Variants in ARHGEF6 observed in about 807,000 individuals in gnomAD.
The protein encoded by ARHGEF6 is Rac/Cdc42 guanine nucleotide exchange factor 6, also known as rho guanine nucleotide exchange factor 6.
A neutral mutation model predicts 70.3 loss-of-function variants in ARHGEF6; 9 were observed. That is an observed-to-expected ratio of 0.13 (90% confidence interval 0.08 to 0.22). ARHGEF6 has a LOEUF of 0.22. Ranked by LOEUF, ARHGEF6 falls within the 10% of genes least tolerant of loss-of-function variation. The pLI is 1.00. For missense variants in ARHGEF6, 470 were observed against 563.0 expected, an observed-to-expected ratio of 0.83 and a Z score of 1.67; for synonymous variants, 201 against 207.8, an observed-to-expected ratio of 0.97 and a Z score of 0.28.
In ARHGEF6 at chrX:136,743,946, G is replaced by A. The variant is rs2077069837; in HGVS notation, c.460-160C>T. 3.6e-5 allele frequency among the ~76,000 whole-genome samples: 4 copies of A among 111,980 alleles called. No individual in the cohort carries two copies. The Admixed American group carries it at 3.8e-4, about 11-fold the overall frequency. ...CTTAGGAATCCATGAATGGGTCTCA[G>A]AGGGATTAATAAATCCCTCAAAACA... On this transcript the variant is annotated intron_variant, in intron 4 of 21. Coordinates refer to ENST00000250617, the MANE Select transcript of ARHGEF6 (RefSeq NM_004840.3).
chrX:136,735,219 A>T (rs2076973818), intron 5 of ARHGEF6, among the ~76,000 whole-genome samples: 1 of 111,712 alleles, frequency 9.0e-6, no homozygotes, highest in Non-Finnish European at 1.9e-5. Flanking sequence ...AAACTTGGAA[A>T]GTCTAAAAAA....
chrX:136,676,753 C>A, intron 17 of ARHGEF6, 36 bp from the exon 18 acceptor site: 1 of 1,024,089 alleles, frequency 9.8e-7, no homozygotes, highest in Non-Finnish European at 1.4e-6. Flanking sequence ...AATTAAAATT[C>A]TCCCTCAAAA....
At chrX:136,707,098 A>T in intron 8 of ARHGEF6, 68 bp from the exon 9 acceptor site, 5 of 1,141,249 alleles carry the variant, frequency 4.4e-6, no homozygotes, top group Non-Finnish European at 6.0e-6. Context: ...GATTATTCCA[A>T]TTAAACCTGG....
chrX:136,747,395 G>A, intron 3 of ARHGEF6, 113 bp downstream of exon 3: 1 of 665,714 alleles, frequency 1.5e-6, no homozygotes, highest in Non-Finnish European at 2.4e-6. Flanking sequence ...GGGGAGCAAG[G>A]GGAAAATTTG....
At chrX:136,766,978 C>G (rs1439932758) in intron 2 of ARHGEF6, among the ~76,000 whole-genome samples, 1 of 112,399 alleles carries the variant, frequency 8.9e-6, no homozygotes, top group Non-Finnish European at 1.9e-5. Context: ...CCCTGGATCT[C>G]AGCGAACTGT....
At chrX:136,681,638 A>T (rs1262570240) in intron 14 of ARHGEF6, among the ~76,000 whole-genome samples, 3 of 112,191 alleles carry the variant, frequency 2.7e-5, no homozygotes, top group African/African-American at 9.7e-5. Context: ...GTTATTCCTT[A>T]GCTCTCACAA....
Position 136,779,961 on chromosome X carries a change from T to G in ARHGEF6, c.166-464A>C, listed in dbSNP as rs1427066314. ...TCAAGTTTAAGAAATTATAAGTAAA[T>G]TTATTTGCTCAATAAAAATACAAAC... is the stretch of plus-strand genomic sequence containing the variant. On this transcript the variant is annotated intron_variant, in intron 1 of 21. Coordinates refer to ENST00000250617, the MANE Select transcript of ARHGEF6 (RefSeq NM_004840.3). 8.9e-5 allele frequency among the ~76,000 whole-genome samples: 10 copies of G among 112,284 alleles called. No individual in the cohort carries two copies. The Admixed American group carries it at 9.5e-4, about 11-fold the overall frequency.
At chrX:136,736,452 G>C (rs1305396525) in intron 5 of ARHGEF6, among the ~76,000 whole-genome samples, 1 of 110,917 alleles carries the variant, frequency 9.0e-6, no homozygotes, top group African/African-American at 3.3e-5. Context: ...GTCAAAATAG[G>C]GTTTTTCTCA....
Position 136,672,149 on chromosome X carries a change from G to T in ARHGEF6, c.2036-30C>A, listed in dbSNP as rs371461823. ...AAACAAGGGTTGCAAGATGGGGGAG[G>T]AGGGAGAGTTACTAGTGAAGAGTAG... On this transcript the variant is annotated intron_variant, in intron 19 of 21. Transcript: ENST00000250617. The T allele has an allele frequency of 6.3e-5, 66 of 1,054,291 alleles. 2 individuals carry two copies. In the Middle Eastern group the frequency reaches 4.7e-3, roughly 75 times the overall value. The allele number at this position is 1,054,291 out of a possible 1,213,427, so 86.9% of individuals were successfully genotyped here.
chrX:136,674,028 G>A (rs150434072), intron 19 of ARHGEF6, among the ~76,000 whole-genome samples: 15 of 111,132 alleles, frequency 1.3e-4, no homozygotes, highest in Non-Finnish European at 2.3e-4. Context: ...CATCACACCC[G>A]GCTAACTTTT....
At chrX:136,674,554 C>T (rs2076258345) in intron 19 of ARHGEF6, among the ~76,000 whole-genome samples, 1 of 112,168 alleles carries the variant, frequency 8.9e-6, no homozygotes, top group Non-Finnish European at 1.9e-5. Context: ...AACTTTGAAA[C>T]TTGAGTTTGG....
At chrX:136,684,382 T>C (rs780243551) in intron 12 of ARHGEF6, among the ~76,000 whole-genome samples, 61 of 112,424 alleles carry the variant, frequency 5.4e-4, no homozygotes, top group Non-Finnish European at 9.6e-4. Flanking sequence ...TAAATGAGAT[T>C]GCTTATTAAC....
At chrX:136,758,031 C>CTTTTT (rs1164537601) in intron 2 of ARHGEF6, among the ~76,000 whole-genome samples, 691 of 14,025 alleles carry the variant, frequency 0.049, 280 homozygotes, top group Middle Eastern at 0.14. Flanking sequence ...AAAATAAATT[C>CTTTTT]TTTTTTTTTT....
In ARHGEF6 at chrX:136,728,043, A is replaced by T. The variant is rs1256194431; in HGVS notation, c.732+4059T>A. Reference sequence around the variant, plus strand: ...TAAAGCCTGACAACCAAGCTGTATCAATTCCTTTTTCTGACTTTTACTTTT... The same window carrying T: ...TAAAGCCTGACAACCAAGCTGTATCTATTCCTTTTTCTGACTTTTACTTTT... On this transcript the variant is annotated intron_variant, in intron 6 of 21. Coordinates refer to ENST00000250617, the MANE Select transcript of ARHGEF6 (RefSeq NM_004840.3). 8.0e-5 allele frequency among the ~76,000 whole-genome samples: 9 copies of T among 112,588 alleles called. No individual in the cohort carries two copies. The Admixed American group carries it at 8.4e-4, about 11-fold the overall frequency.
At chrX:136,679,707 G>A (rs761281525) in intron 15 of ARHGEF6, 47 bp from the exon 16 acceptor site, 44 of 1,201,868 alleles carry the variant, frequency 3.7e-5, no homozygotes, top group South Asian at 2.1e-4. Flanking sequence ...ATCTGAACCC[G>A]ACCTTGTGCC....
intron 2 of ARHGEF6, chrX:136,767,790 G>A (rs2148682825): frequency 1.3e-6 from 1 of 753,577 alleles, no homozygotes; most frequent in East Asian, 1.5e-4. Context: ...GCAGTGACCC[G>A]GACCTGGATC....
At chrX:136,727,333 CTT>C (rs1569410819) in intron 6 of ARHGEF6, among the ~76,000 whole-genome samples, 534 of 32,734 alleles carry the variant, frequency 0.016, 6 homozygotes, top group South Asian at 0.083. Flanking sequence ...CTTTTTCTTT[CTT>C]TCTTTCTTTC....
intron 9 of ARHGEF6, among the ~76,000 whole-genome samples, chrX:136,697,331 T>TA (rs1341766598): frequency 7.2e-5 from 8 of 111,741 alleles, no homozygotes; most frequent in African/African-American, 2.3e-4. Flanking sequence ...AGCTAACCCA[T>TA]AGGCCAGCTA....
intron 18 of ARHGEF6, among the ~76,000 whole-genome samples, chrX:136,675,801 T>C (rs2076276668): frequency 9.0e-6 from 1 of 111,259 alleles, no homozygotes; most frequent in Admixed American, 9.5e-5. Flanking sequence ...ATTACAGGCA[T>C]GAGCCACCGT....
Sources: gnomAD v4.1 joint callset for allele counts (sites outside exome capture counted in the v4.1 genomes callset) on GRCh38, gnomAD v4.1.1 for gene constraint, MANE v1.5 for transcripts, NCBI Gene and HGNC (gene_info 2026-07-23, HGNC 2026-07-21) for gene names.